Variants in NRXN1 observed in about 807,000 individuals in gnomAD.
NRXN1 encodes the protein neurexin 1.
A neutral mutation model predicts 150.9 loss-of-function variants in NRXN1; 39 were observed. The observed-to-expected ratio is 0.26, with a 90% confidence interval of 0.20 to 0.34. NRXN1 has a LOEUF of 0.34. Among genes scored for constraint, NRXN1 ranks in the 10% least tolerant of loss-of-function variants. The pLI is 1.00. For synonymous variants in NRXN1, 924 were observed against 757.0 expected (o/e 1.22, Z -3.62); for missense variants, 1,815 against 1,949.9 (o/e 0.93, Z 1.30).
intron 15 of NRXN1, among the ~76,000 whole-genome samples, chr2:50,484,412 T>G (rs1462190652): frequency 6.6e-6 from 1 of 152,198 alleles, no homozygotes; most frequent in Non-Finnish European, 1.5e-5. Flanking sequence ...TAAGCTATTC[T>G]TAAGGAGAAA....
chr2:50,228,735 T>C (rs148733835), intron 18 of NRXN1, among the ~76,000 whole-genome samples: 120 of 152,162 alleles, frequency 7.9e-4, no homozygotes, highest in African/African-American at 2.9e-3. Flanking sequence ...CAATCACGAA[T>C]TTCCATTCTT....
chr2:50,831,943 C>T (rs1461445598), intron 5 of NRXN1, among the ~76,000 whole-genome samples: 1 of 151,856 alleles, frequency 6.6e-6, no homozygotes, highest in Non-Finnish European at 1.5e-5. Context: ...GTAGCAGTGG[C>T]GGGCAAGCAA....
intron 5 of NRXN1, among the ~76,000 whole-genome samples, chr2:50,706,479 A>G (rs567968828): frequency 9.9e-5 from 15 of 152,124 alleles, no homozygotes; most frequent in Non-Finnish European, 2.1e-4. Flanking sequence ...CAATTGGAGA[A>G]TTAGAATTAG....
intron 5 of NRXN1, among the ~76,000 whole-genome samples, chr2:50,835,537 A>C (rs895805874): frequency 2.0e-5 from 3 of 152,136 alleles, no homozygotes; most frequent in Non-Finnish European, 2.9e-5. Context: ...TAAAAATGCA[A>C]ATGTTTCCAA....
chr2:50,594,254 T>G (rs530885567), intron 8 of NRXN1, among the ~76,000 whole-genome samples: 33 of 152,204 alleles, frequency 2.2e-4, no homozygotes, highest in African/African-American at 7.5e-4. Context: ...ATACGGAAAA[T>G]GTATATTTGC....
chr2:50,473,380 T>A (rs1469595875), intron 15 of NRXN1, among the ~76,000 whole-genome samples: 1 of 151,860 alleles, frequency 6.6e-6, no homozygotes, highest in South Asian at 2.1e-4. Context: ...GAGATTACAA[T>A]CTATGTTGGA....
intron 17 of NRXN1, among the ~76,000 whole-genome samples, chr2:50,331,000 T>C (rs962299814): frequency 1.3e-5 from 2 of 152,096 alleles, no homozygotes; most frequent in African/African-American, 2.4e-5. Flanking sequence ...GTTTTTGTCA[T>C]CCATACAAAG....
intron 19 of NRXN1, among the ~76,000 whole-genome samples, chr2:50,089,167 C>A (rs1428294033): frequency 2.6e-5 from 4 of 152,134 alleles, no homozygotes; most frequent in African/African-American, 9.7e-5. Context: ...GGTAAAGATA[C>A]CAGTTTGGAA....
At chr2:50,468,301 G>A (rs866424787) in intron 16 of NRXN1, among the ~76,000 whole-genome samples, 51 of 151,702 alleles carry the variant, frequency 3.4e-4, no homozygotes, top group Middle Eastern at 3.4e-3. Flanking sequence ...GCAACTCAGA[G>A]TACCTGCCAA....
At chr2:50,754,527 A>G (rs1228601302) in intron 5 of NRXN1, among the ~76,000 whole-genome samples, 1 of 151,916 alleles carries the variant, frequency 6.6e-6, no homozygotes, top group African/African-American at 2.4e-5. Context: ...TCACTGTGAA[A>G]TATGAACACA....
At chr2:50,106,845 A>C (rs936531993) in intron 18 of NRXN1, among the ~76,000 whole-genome samples, 2 of 151,978 alleles carry the variant, frequency 1.3e-5, no homozygotes, top group African/African-American at 4.8e-5. Flanking sequence ...TAGCATTTTT[A>C]ATGGATTATT....
intron 21 of NRXN1, chr2:50,023,961 C>T (rs1438369830): frequency 6.6e-6 from 1 of 152,084 alleles, no homozygotes; most frequent in Non-Finnish European, 1.5e-5. Context: ...GTACAATTTT[C>T]ATAGCACCCC....
At chr2:50,392,730 G>A (rs942767450) in intron 17 of NRXN1, among the ~76,000 whole-genome samples, 24 of 152,008 alleles carry the variant, frequency 1.6e-4, no homozygotes, top group African/African-American at 5.1e-4. Flanking sequence ...ATAAACATGC[G>A]AAAACAAAGA....
chr2:50,482,351 T>C (rs1490188109), intron 15 of NRXN1, among the ~76,000 whole-genome samples: 1 of 152,194 alleles, frequency 6.6e-6, no homozygotes, highest in Non-Finnish European at 1.5e-5. Flanking sequence ...GCTAACTTCA[T>C]CTAATGGCTT....
chr2:50,820,312 T>C (rs867793364), intron 5 of NRXN1, among the ~76,000 whole-genome samples: 29 of 152,096 alleles, frequency 1.9e-4, no homozygotes, highest in Middle Eastern at 3.2e-3. Context: ...TTACCTTACT[T>C]TCTAACACCA....
chr2:49,932,724 T>A (rs1670353894), intron 22 of NRXN1, among the ~76,000 whole-genome samples: 1 of 152,216 alleles, frequency 6.6e-6, no homozygotes, highest in African/African-American at 2.4e-5. Context: ...AACATCTATA[T>A]TTTGTTTCTT....
intron 5 of NRXN1, among the ~76,000 whole-genome samples, chr2:50,638,843 A>G (rs574102226): frequency 5.9e-5 from 9 of 152,276 alleles, no homozygotes; most frequent in African/African-American, 2.2e-4. Context: ...CCAACAATTC[A>G]CAAAACTATA....
chr2:50,373,194 C>T (rs897809646), intron 17 of NRXN1, among the ~76,000 whole-genome samples: 16 of 151,802 alleles, frequency 1.1e-4, no homozygotes, highest in Non-Finnish European at 2.2e-4. Context: ...GTGAGCCAAA[C>T]CACACCCCAA....
At position 50,827,884 on chromosome 2, in the gene NRXN1, T is replaced by A. The variant is rs143838698; in HGVS notation, c.832+93985A>T. 7.1e-3 allele frequency among the ~76,000 whole-genome samples: 1,054 copies of A among 148,952 alleles called. 12 individuals carry two copies. The highest frequency in any genetic ancestry group is 0.024 in the African/African-American group (989 of 40,672). The stretch of plus-strand genomic sequence containing the variant: ...CGCCCTTAATCCATTTAACCCTGAC[T>A]GGACACAGCACATGTTTCAGAGAGC... On this transcript the variant is annotated intron_variant, in intron 5 of 22. Coordinates refer to ENST00000401669, the MANE Select transcript of NRXN1 (RefSeq NM_001330078.2).
Sources: allele counts gnomAD v4.1 joint callset (sites outside exome capture counted in the v4.1 genomes callset), GRCh38; gene constraint gnomAD v4.1.1; transcripts MANE v1.5; gene names NCBI Gene and HGNC (gene_info 2026-07-23, HGNC 2026-07-21).